NRG2: variants seen among roughly 807,000 people sequenced by gnomAD.
The protein encoded by NRG2 is pro-neuregulin-2, membrane-bound isoform.
Under a neutral mutation model 73.9 loss-of-function variants are expected in NRG2, and 27 were observed. The ratio of observed to expected loss-of-function variants is 0.37; its 90% confidence interval spans 0.27 to 0.50. The LOEUF (loss-of-function observed/expected upper bound fraction) is 0.50, where lower values mean the gene tolerates loss of function less well. Among genes scored for constraint, NRG2 ranks in the 20% least tolerant of loss-of-function variants. The pLI is 0.96. For missense variants in NRG2, 1,126 were observed against 1,210.1 expected (o/e 0.93, Z 1.03); for synonymous variants, 532 against 541.0 (o/e 0.98, Z 0.23).
At chr5:139,997,088 G>A (rs1280747793) in intron 1 of NRG2, among the ~76,000 whole-genome samples, 1 of 152,178 alleles carries the variant, frequency 6.6e-6, no homozygotes, top group African/African-American at 2.4e-5. Flanking sequence ...GCCGTGGTGA[G>A]CCAAGATCGC....
chr5:139,999,548 G>A (rs529651288), intron 1 of NRG2, among the ~76,000 whole-genome samples: 1 of 152,272 alleles, frequency 6.6e-6, no homozygotes, highest in East Asian at 1.9e-4. Context: ...ATGAGAGAAG[G>A]GACCAGACGT....
intron 1 of NRG2, among the ~76,000 whole-genome samples, chr5:140,004,033 C>T (rs1340426584): frequency 6.6e-6 from 1 of 152,114 alleles, no homozygotes; most frequent in Non-Finnish European, 1.5e-5. Context: ...GATAATTATA[C>T]TGTGGTTCTG....
intron 1 of NRG2, among the ~76,000 whole-genome samples, chr5:139,911,238 C>A (rs1335150621): frequency 6.6e-6 from 1 of 151,970 alleles, no homozygotes; most frequent in Non-Finnish European, 1.5e-5. Flanking sequence ...TGCTGTGTGC[C>A]CTTGGGTAAG....
At chr5:140,012,924 G>C (rs1041881055) in intron 1 of NRG2, among the ~76,000 whole-genome samples, 1 of 152,058 alleles carries the variant, frequency 6.6e-6, no homozygotes, top group Non-Finnish European at 1.5e-5. Flanking sequence ...ACCTAGACTG[G>C]TCTCACTTTA....
Position 139,887,259 on chromosome 5 carries a change from C to T in NRG2, c.872+81G>A. The T allele has an allele frequency of 6.6e-7, 1 of 1,512,040 alleles. No homozygotes were observed. 93.7% of individuals were successfully genotyped at this position (1,512,040 alleles called of 1,614,324 possible). A position where few individuals can be genotyped will look rare whatever the true frequency, so the allele number is the denominator to read the frequency against. On this transcript the variant is annotated intron_variant, in intron 2 of 9. Transcript: ENST00000361474. The surrounding 1 kb of genome is among the most constrained non-coding windows in gnomAD (Gnocchi z 4.5). ...GGTGAGTCTGGGGGCACAGCCCTGG[C>T]CTCTGCCCAGTTCAGGCCACTCCTT...
chr5:139,847,724 C>A lies in NRG2; in HGVS notation c.*193G>T. ...CATATAAATAGTTTCCCTATAAAAA[C>A]GCCTTTGCCGTTAGCTAGTATTATA... On this transcript the variant is annotated 3_prime_UTR_variant, in exon 10 of 10. Coordinates refer to ENST00000361474, the MANE Select transcript of NRG2 (RefSeq NM_004883.3). 2.6e-6 allele frequency: 1 copy of A among 379,512 alleles called. No homozygotes were observed. Among genetic ancestry groups the A allele is most frequent in the Non-Finnish European group, 4.6e-6 (1 of 217,560 alleles). The allele number at this position is 379,512 out of a possible 1,614,324, so 23.5% of individuals were successfully genotyped here.
chr5:139,848,779 G>GGGGCT, intron 9 of NRG2, 82 bp from the exon 10 acceptor site: 1 of 198,602 alleles, frequency 5.0e-6, no homozygotes, highest in Non-Finnish European at 1.0e-5. Flanking sequence ...GGTAGGGTGG[G>GGGGCT]AGGGGCGGAC....
Position 140,043,214 on chromosome 5 carries a change from C to A in NRG2, c.-145G>T. The A allele has an allele frequency of 1.1e-6, 1 of 894,750 alleles. No homozygotes were observed. The highest frequency in any genetic ancestry group is 3.1e-5 in the Admixed American group (1 of 31,758). 55.4% of individuals were successfully genotyped at this position (894,750 alleles called of 1,614,324 possible). A position where few individuals can be genotyped will look rare whatever the true frequency, so the allele number is the denominator to read the frequency against. On this transcript the variant is annotated 5_prime_UTR_variant, in exon 1 of 10. Coordinates refer to ENST00000361474, the MANE Select transcript of NRG2 (RefSeq NM_004883.3). This position sits in a 1 kb window ranked among gnomAD's most constrained non-coding sequence, Gnocchi z 6.7. Reference sequence around the variant, plus strand: ...GCCCGGGGAGGTGGCCCAGCTAGGGCAGGGGGCAGGCGGCAAGCGGGCCGC... The same window carrying A: ...GCCCGGGGAGGTGGCCCAGCTAGGGAAGGGGGCAGGCGGCAAGCGGGCCGC...
At chr5:139,902,304 C>A (rs1764937293) in intron 1 of NRG2, among the ~76,000 whole-genome samples, 1 of 152,234 alleles carries the variant, frequency 6.6e-6, no homozygotes, top group African/African-American at 2.4e-5. Flanking sequence ...TGCAGTTCAG[C>A]CCCAGCCAGC....
Position 139,868,479 on chromosome 5 carries a change from G to A in NRG2, c.1113-2854C>T, listed in dbSNP as rs79389928. ...CAGAGGACAGATTAGAAGGAGCAGCGGGTAACAGCCTTCCCAGCCTTTCCC... is the reference window on the plus strand; with the variant it reads ...CAGAGGACAGATTAGAAGGAGCAGCAGGTAACAGCCTTCCCAGCCTTTCCC... On this transcript the variant is annotated intron_variant, in intron 4 of 9. Transcript: ENST00000361474. This position sits in a 1 kb window ranked among gnomAD's most constrained non-coding sequence, Gnocchi z 4.2. Among the ~76,000 whole-genome samples, 3,787 of 152,116 alleles carry A rather than the reference G, an allele frequency of 0.025. 176 individuals are homozygous for A. Among genetic ancestry groups the A allele is most frequent in the African/African-American group, 0.086 (3,546 of 41,460 alleles).
intron 1 of NRG2, among the ~76,000 whole-genome samples, chr5:140,033,507 T>G (rs1442539051): frequency 2.6e-5 from 4 of 152,192 alleles, no homozygotes; most frequent in East Asian, 1.9e-4. Flanking sequence ...CACGTACCCA[T>G]GAGCACATCA....
At chr5:140,023,500 T>G (rs1374130509) in intron 1 of NRG2, among the ~76,000 whole-genome samples, 1 of 152,198 alleles carries the variant, frequency 6.6e-6, no homozygotes, top group Non-Finnish European at 1.5e-5. Context: ...CTTTTTGCAA[T>G]TATTATATTT....
At chr5:139,858,706 C>G (rs1254281226) in intron 5 of NRG2, among the ~76,000 whole-genome samples, 1 of 152,148 alleles carries the variant, frequency 6.6e-6, no homozygotes, top group Non-Finnish European at 1.5e-5. Context: ...CATTCACAGC[C>G]CCTCCACCTG....
intron 1 of NRG2, among the ~76,000 whole-genome samples, chr5:140,003,243 G>A (rs1358398177): frequency 6.6e-6 from 1 of 152,214 alleles, no homozygotes; most frequent in Admixed American, 6.5e-5. Context: ...TACAGAGATA[G>A]AAAGAGATGA....
At chr5:139,999,489 C>T (rs1758269908) in intron 1 of NRG2, among the ~76,000 whole-genome samples, 2 of 152,202 alleles carry the variant, frequency 1.3e-5, no homozygotes, top group East Asian at 1.9e-4. Flanking sequence ...AGTTATTCAA[C>T]TCAGTGGCAA....
At chr5:140,007,327 G>A (rs1317423424) in intron 1 of NRG2, among the ~76,000 whole-genome samples, 2 of 152,054 alleles carry the variant, frequency 1.3e-5, no homozygotes, top group Non-Finnish European at 2.9e-5. Context: ...CAAACAGGCA[G>A]TTAACAGACC....
In NRG2 at chr5:139,850,908, G is replaced by T. The variant is rs556824787; in HGVS notation, c.1772+696C>A. On this transcript the variant is annotated intron_variant, in intron 9 of 9. Transcript: ENST00000361474. The stretch of plus-strand genomic sequence containing the variant: ...CCACTCTGCAGTTTACTCCTTCTTC[G>T]TGTCTCCTTCTGTTCCTGCTGGGAC... Among the ~76,000 whole-genome samples, 6 of 151,916 alleles carry T rather than the reference G, an allele frequency of 3.9e-5. No homozygotes were observed. The East Asian group carries it at 1.2e-3, about 29-fold the overall frequency.
chr5:139,886,670 C>T (rs1188099375), intron 2 of NRG2, among the ~76,000 whole-genome samples: 4 of 152,154 alleles, frequency 2.6e-5, no homozygotes, highest in Non-Finnish European at 5.9e-5. Flanking sequence ...CTTGGACTAG[C>T]GGCTTCTCTG....
intron 1 of NRG2, among the ~76,000 whole-genome samples, chr5:139,967,634 G>A (rs1297582821): frequency 6.6e-6 from 1 of 152,180 alleles, no homozygotes; most frequent in Non-Finnish European, 1.5e-5. Context: ...TCTAGTCAGA[G>A]CCCTCAAGAC....
Sources: gnomAD v4.1 joint callset for allele counts (sites outside exome capture counted in the v4.1 genomes callset) on GRCh38, gnomAD v4.1.1 for gene constraint, Gnocchi (gnomAD v3.1) non-coding constraint, MANE v1.5 for transcripts, NCBI Gene and HGNC (gene_info 2026-07-23, HGNC 2026-07-21) for gene names.